Variants in DNAH8 observed in about 807,000 individuals in gnomAD.
The protein encoded by DNAH8 is axonemal beta dynein heavy chain 8.
Under a neutral mutation model 562.1 loss-of-function variants are expected in DNAH8, and 382 were observed. The ratio of observed to expected loss-of-function variants is 0.68; its 90% CI spans 0.63 to 0.74. The LOEUF (loss-of-function observed/expected upper bound fraction) is 0.74, where lower values mean the gene tolerates loss of function less well. Among genes scored for constraint, DNAH8 ranks in the 30% least tolerant of loss-of-function variants. The probability of loss-of-function intolerance (pLI) is 0.00; values close to 1 mark genes in which losing one functional copy is unlikely to be tolerated. For missense variants in DNAH8, 5,203 were observed against 5,620.4 expected (o/e 0.93, Z 2.37); for synonymous variants, 1,881 against 1,919.4 (o/e 0.98, Z 0.52).
At chr6:38,843,833 A>G (rs890075712) in intron 35 of DNAH8, among the ~76,000 whole-genome samples, 13 of 152,128 alleles carry the variant, frequency 8.5e-5, no homozygotes, top group Non-Finnish European at 5.9e-5. Context: ...ATAATGTGTT[A>G]AAATTGTCTC....
At chr6:38,897,664 C>T (rs1183921907) in intron 60 of DNAH8, among the ~76,000 whole-genome samples, 2 of 151,868 alleles carry the variant, frequency 1.3e-5, no homozygotes, top group Admixed American at 6.6e-5. Flanking sequence ...CCTGTAATAC[C>T]CGCGACTTGG....
rs142584857 is a variant in DNAH8, at chr6:38,921,122, C to T, written c.10525-247C>T. The stretch of plus-strand genomic sequence containing the variant: ...GCCCAGGCTGGTCTTGAACTGGGCT[C>T]AAGTGATCCTCAGCCTCTCAAAGTT... On this transcript the variant is annotated intron_variant, in intron 70 of 92. Coordinates refer to ENST00000327475, the MANE Select transcript of DNAH8 (RefSeq NM_001206927.2). Among the ~76,000 whole-genome samples the T allele has an allele frequency of 4.3e-3, 661 of 152,176 alleles. 1 individual carries two copies. Among genetic ancestry groups the T allele is most frequent in the African/African-American group, 0.015 (632 of 41,520 alleles).
rs1260992269 is a variant in DNAH8 at position 38,890,665 on chromosome 6, T to A, written c.8487T>A (p.Cys2829Ter). ...SIDKIFGIIG[C>*]GYFDPCRSFK... ...CTTATCTTTCAGGAATTATTGGATGTGGATACTTTGATCCTTGTAGAAGTT... is the reference window on the plus strand; with the variant it reads ...CTTATCTTTCAGGAATTATTGGATGAGGATACTTTGATCCTTGTAGAAGTT... The change falls in exon 58 of 93, where the codon TGT becomes TGA. Residue 2829 changes from cysteine (C) to a stop codon, truncating the protein, a stop_gained. Transcript: ENST00000327475. LOFTEE classifies it high-confidence loss of function. 6.2e-7 allele frequency: 1 copy of A among 1,611,116 alleles called. No individual in the cohort carries two copies. The highest frequency in any genetic ancestry group is 8.5e-7 in the Non-Finnish European group (1 of 1,177,394).
chr6:38,822,886 C>T lies in DNAH8; in HGVS notation c.3572C>T (p.Pro1191Leu), dbSNP rs369211011. 81 of 1,604,422 alleles carry T rather than the reference C, an allele frequency of 5.0e-5. No homozygotes were observed. The highest frequency in any genetic ancestry group is 1.4e-4 in the South Asian group (12 of 88,500). Residue 1191 changes from proline (P) to leucine (L), a missense_variant, in exon 27 of 93, where the codon CCG becomes CTG. Transcript: ENST00000327475. ...GCGAGGAAGCTGAAGAATTTTTACC[C>T]GGGGGTAGCGGAGCACAAGGATATT... ...IPARKLKNFY[P>L]GVAEHKDISK...
chr6:38,903,894 G>A (rs1409212507), intron 62 of DNAH8, among the ~76,000 whole-genome samples: 1 of 151,902 alleles, frequency 6.6e-6, no homozygotes, highest in African/African-American at 2.4e-5. Flanking sequence ...ACAAGCATGA[G>A]CCACCGCGCC....
intron 26 of DNAH8, 31 bp from the exon 27 acceptor site, chr6:38,822,807 T>G (rs368826254): frequency 4.9e-6 from 7 of 1,435,598 alleles, no homozygotes; most frequent in Non-Finnish European, 6.5e-6. Context: ...AATATAGAAG[T>G]TATTTATAGT....
At chr6:38,950,212 G>C (rs1163405181) in intron 81 of DNAH8, among the ~76,000 whole-genome samples, 1 of 151,402 alleles carries the variant, frequency 6.6e-6, no homozygotes, top group East Asian at 1.9e-4. Context: ...GTGTGTGTGT[G>C]TGTGTGTGTT....
chr6:38,823,976 A>G (rs1018060137), intron 28 of DNAH8, among the ~76,000 whole-genome samples: 1 of 152,180 alleles, frequency 6.6e-6, no homozygotes, highest in Non-Finnish European at 1.5e-5. Flanking sequence ...TAGACACACT[A>G]CACAGGACGA....
chr6:38,887,426 T>C lies in DNAH8; in HGVS notation c.8473+422T>C, dbSNP rs533555176. Among the ~76,000 whole-genome samples the C allele has an allele frequency of 2.0e-5, 3 of 152,328 alleles. No individual in the cohort carries two copies. In the East Asian group the frequency reaches 5.8e-4, roughly 29 times the overall value. On this transcript the variant is annotated intron_variant, in intron 57 of 92. Coordinates refer to ENST00000327475, the MANE Select transcript of DNAH8 (RefSeq NM_001206927.2). ...TCACATAAATTATGCCATCAAAACT[T>C]ATGTGTAGGTCAGCCCATGCCTATA...
chr6:38,961,017 C>T (rs983689777), intron 82 of DNAH8, among the ~76,000 whole-genome samples: 5 of 151,874 alleles, frequency 3.3e-5, no homozygotes, highest in Non-Finnish European at 7.4e-5. Flanking sequence ...AAAAGAATGG[C>T]ATTATGTCAT....
At chr6:38,856,383 C>G (rs1345357982) in intron 41 of DNAH8, among the ~76,000 whole-genome samples, 1 of 152,128 alleles carries the variant, frequency 6.6e-6, no homozygotes, top group Non-Finnish European at 1.5e-5. Flanking sequence ...TTCTTGGTGA[C>G]TCAAGATAAT....
At position 38,741,751 on chromosome 6, in the gene DNAH8, A is replaced by G; in HGVS notation, c.1157A>G (p.Asp386Gly). The change falls in exon 8 of 93, where the codon GAT becomes GGT. Residue 386 changes from aspartate to glycine, a missense_variant. Coordinates refer to ENST00000327475, the MANE Select transcript of DNAH8 (RefSeq NM_001206927.2). ...ESEQMRKEAGDSGPLTELEHW... is the reference protein window; with the variant it reads ...ESEQMRKEAGGSGPLTELEHW... ...GAGCAGATGAGAAAAGAAGCTGGTG[A>G]TTCAGGTCCACTCACTGAATTGGAA... The G allele has an allele frequency of 6.2e-7, 1 of 1,613,906 alleles. No homozygotes were observed. The highest frequency in any genetic ancestry group is 1.1e-5 in the South Asian group (1 of 91,020).
At chr6:38,990,498 T>A (rs1266803045) in intron 88 of DNAH8, among the ~76,000 whole-genome samples, 3 of 152,226 alleles carry the variant, frequency 2.0e-5, no homozygotes, top group African/African-American at 7.2e-5. Context: ...TGCCAGCTCC[T>A]CATCTCTTTC....
At chr6:38,717,677 A>G (rs1301541253) in intron 1 of DNAH8, among the ~76,000 whole-genome samples, 1 of 151,166 alleles carries the variant, frequency 6.6e-6, no homozygotes, top group Non-Finnish European at 1.5e-5. Flanking sequence ...AGGAAATTGG[A>G]AAGTAAAAAT....
chr6:38,957,360 A>G (rs887848907), intron 82 of DNAH8, among the ~76,000 whole-genome samples: 3 of 150,708 alleles, frequency 2.0e-5, no homozygotes, highest in African/African-American at 7.3e-5. Context: ...CTAAAAGGAT[A>G]GACTGCAATA....
chr6:38,874,068 T>TTC (rs377254876), intron 52 of DNAH8, among the ~76,000 whole-genome samples: 4,851 of 57,014 alleles, frequency 0.085, 1,135 homozygotes, highest in African/African-American at 0.2. Flanking sequence ...CTTTCTTTCT[T>TTC]TTTCTTTCTT....
Position 38,945,588 on chromosome 6 carries a change from G to A in DNAH8, c.12129G>A (p.Gln4043=), listed in dbSNP as rs761918258. ...KLPQFAEIMN[Q]ISRNEKGWKS... ...CACAATTTGCAGAAATTATGAACCA[G>A]GTAATACAATAAAGGGCTGGTTGAA... Residue 4043 remains glutamine (Q), a splice_region_variant and synonymous_variant, in exon 80 of 93, where the codon CAG becomes CAA. Coordinates refer to ENST00000327475, the MANE Select transcript of DNAH8 (RefSeq NM_001206927.2). The A allele has an allele frequency of 5.6e-6, 9 of 1,613,796 alleles. No homozygotes were observed. Among genetic ancestry groups the A allele is most frequent in the South Asian group, 2.2e-5 (2 of 91,076 alleles).
intron 44 of DNAH8, among the ~76,000 whole-genome samples, 191 bp from the exon 45 acceptor site, chr6:38,863,682 G>C (rs1776816302): frequency 6.6e-6 from 1 of 152,084 alleles, no homozygotes; most frequent in Non-Finnish European, 1.5e-5. Flanking sequence ...CCATTGTTTT[G>C]ATGAAAATAT....
At chr6:38,718,967 ATC>A (rs1762543568) in intron 1 of DNAH8, among the ~76,000 whole-genome samples, 8 of 148,718 alleles carry the variant, frequency 5.4e-5, no homozygotes, top group African/African-American at 1.9e-4. Context: ...ACTCCTACTT[ATC>A]CTTTAAGGCC....
Sources: allele counts gnomAD v4.1 joint callset (sites outside exome capture counted in the v4.1 genomes callset), GRCh38; gene constraint gnomAD v4.1.1; transcripts MANE v1.5; gene names NCBI Gene and HGNC (gene_info 2026-07-23, HGNC 2026-07-21).